The following CDH12 variants were observed in gnomAD, a reference collection of about 807,000 sequenced individuals.
The protein encoded by CDH12 is cadherin 12.
A neutral mutation model predicts 74.1 loss-of-function variants in CDH12; 41 were observed. The ratio of observed to expected loss-of-function variants is 0.55; its 90% CI spans 0.43 to 0.72. The LOEUF (loss-of-function observed/expected upper bound fraction) is 0.72, where lower values mean the gene tolerates loss of function less well. CDH12 is among the 30% of genes least tolerant of loss of function. The pLI is 0.00. For synonymous variants in CDH12, 399 were observed against 355.0 expected (o/e 1.12, Z -1.39); for missense variants, 945 against 977.2 (o/e 0.97, Z 0.44).
At chr5:22,081,092 T>C (rs1742695135) in intron 4 of CDH12, among the ~76,000 whole-genome samples, 1 of 152,188 alleles carries the variant, frequency 6.6e-6, no homozygotes, top group Non-Finnish European at 1.5e-5. Context: ...TTCCAATTTT[T>C]TAATGTGCTT....
At chr5:22,114,220 G>T (rs1450828133) in intron 4 of CDH12, among the ~76,000 whole-genome samples, 1 of 152,158 alleles carries the variant, frequency 6.6e-6, no homozygotes, top group African/African-American at 2.4e-5. Flanking sequence ...TGTTTCAAAT[G>T]CTCTAGAATA....
At chr5:22,278,957 C>T (rs1382654333) in intron 3 of CDH12, among the ~76,000 whole-genome samples, 1 of 152,062 alleles carries the variant, frequency 6.6e-6, no homozygotes, top group Non-Finnish European at 1.5e-5. Context: ...GTAAAAGTTA[C>T]AGAGAAATAT....
intron 9 of CDH12, 83 bp from the exon 10 acceptor site, chr5:21,802,503 G>T: frequency 2.6e-6 from 3 of 1,175,098 alleles, no homozygotes; most frequent in South Asian, 2.8e-5. Context: ...AGAGCAATTT[G>T]CAAGTTATTA....
At chr5:21,863,743 C>T (rs1751176477) in intron 6 of CDH12, among the ~76,000 whole-genome samples, 1 of 152,114 alleles carries the variant, frequency 6.6e-6, no homozygotes, top group Non-Finnish European at 1.5e-5. Flanking sequence ...AGCAGCATTA[C>T]TTTAAGAAAA....
intron 3 of CDH12, among the ~76,000 whole-genome samples, chr5:22,401,325 G>C (rs963004149): frequency 2.0e-5 from 3 of 152,030 alleles, no homozygotes; most frequent in Non-Finnish European, 2.9e-5. Context: ...AAAATTTACT[G>C]TACCTACTTT....
intron 1 of CDH12, among the ~76,000 whole-genome samples, chr5:22,737,821 A>T (rs1379305472): frequency 1.3e-5 from 2 of 152,116 alleles, no homozygotes; most frequent in African/African-American, 4.8e-5. Context: ...ATAGTGCAGA[A>T]TACATGGATT....
intron 6 of CDH12, among the ~76,000 whole-genome samples, chr5:21,867,582 T>G (rs1751397308): frequency 6.6e-6 from 1 of 152,176 alleles, no homozygotes; most frequent in African/African-American, 2.4e-5. Context: ...CTGCTGGATT[T>G]TGAACTTGCT....
chr5:22,643,731 A>ATTTTTTT (rs1304148808), intron 1 of CDH12, among the ~76,000 whole-genome samples: 2 of 69,302 alleles, frequency 2.9e-5, no homozygotes, highest in African/African-American at 5.3e-5. Context: ...ATTTTAAGGT[A>ATTTTTTT]TCTTTTTTTT....
At chr5:22,545,047 T>G (rs565562580) in intron 1 of CDH12, among the ~76,000 whole-genome samples, 45 of 152,292 alleles carry the variant, frequency 3.0e-4, no homozygotes, top group African/African-American at 1.1e-3. Flanking sequence ...GCCACTCATC[T>G]GTCTGTGTAA....
intron 2 of CDH12, among the ~76,000 whole-genome samples, chr5:22,410,140 G>A (rs1743115647): frequency 6.6e-6 from 1 of 152,012 alleles, no homozygotes; most frequent in African/African-American, 2.4e-5. Context: ...GAAAGCCACA[G>A]AAGCAAAAGT....
intron 1 of CDH12, among the ~76,000 whole-genome samples, chr5:22,742,436 C>G (rs1466098428): frequency 6.6e-6 from 1 of 151,978 alleles, no homozygotes; most frequent in Non-Finnish European, 1.5e-5. Context: ...AAAAAGAAAG[C>G]TGGTGAAGAA....
At chr5:22,612,248 C>T (rs1737442188) in intron 1 of CDH12, among the ~76,000 whole-genome samples, 1 of 152,098 alleles carries the variant, frequency 6.6e-6, no homozygotes, top group Non-Finnish European at 1.5e-5. Context: ...AAAAATAATG[C>T]TCATCATTTA....
rs192825330 is a variant in CDH12, at chr5:22,554,298, A to C, written c.-522-48934T>G. ...AATACCAAGAGTGAACCCTAATGGG[A>C]AACTATCAATTGGCTGATAATGATG... is the stretch of plus-strand genomic sequence containing the variant. On this transcript the variant is annotated intron_variant, in intron 1 of 14. Transcript: ENST00000382254. Among the ~76,000 whole-genome samples the C allele has an allele frequency of 9.9e-3, 1,500 of 152,240 alleles. 7 individuals are homozygous for C. Among genetic ancestry groups the C allele is most frequent in the Non-Finnish European group, 0.014 (926 of 68,010 alleles).
chr5:22,104,101 T>C (rs1010709505), intron 4 of CDH12, among the ~76,000 whole-genome samples: 1 of 152,210 alleles, frequency 6.6e-6, no homozygotes, highest in Non-Finnish European at 1.5e-5. Context: ...ACAAAACCTA[T>C]AGCTTTATAG....
intron 2 of CDH12, among the ~76,000 whole-genome samples, chr5:22,451,553 A>G (rs1362332938): frequency 6.6e-6 from 1 of 151,930 alleles, no homozygotes; most frequent in Non-Finnish European, 1.5e-5. Flanking sequence ...TAGGTATAGA[A>G]GGAATGTACC....
At chr5:22,817,922 T>A (rs2126466322) in intron 1 of CDH12, among the ~76,000 whole-genome samples, 1 of 152,296 alleles carries the variant, frequency 6.6e-6, no homozygotes, top group Non-Finnish European at 1.5e-5. Flanking sequence ...ATGCCGTTAG[T>A]TATATTCCAA....
rs573154442 is a variant in CDH12, at chr5:21,859,615, G to C, written c.527-4825C>G. 7.2e-5 allele frequency among the ~76,000 whole-genome samples: 11 copies of C among 152,064 alleles called. No individual in the cohort carries two copies. In the East Asian group the frequency reaches 7.8e-4, roughly 11 times the overall value. ...CTAGTGATCCACTAGCAAACTTCTT[G>C]CTTCCTGTTTCTGCGACATTACATT... On this transcript the variant is annotated intron_variant, in intron 6 of 14. Coordinates refer to ENST00000382254, the MANE Select transcript of CDH12 (RefSeq NM_004061.5).
In CDH12 at chr5:21,975,404, G is replaced by C. The variant is rs764066993; in HGVS notation, c.232-19C>G. 2.6e-6 allele frequency: 4 copies of C among 1,544,420 alleles called. No homozygotes were observed. The highest frequency in any genetic ancestry group is 3.9e-5 in the Admixed American group (2 of 50,894). On this transcript the variant is annotated intron_variant, in intron 5 of 14. Coordinates refer to ENST00000382254, the MANE Select transcript of CDH12 (RefSeq NM_004061.5). ...AATGGAGCTTTAGGGAAGAGAAGGA[G>C]AGAGAGAGGAAGAGAAAGAGAAGGA...
intron 2 of CDH12, among the ~76,000 whole-genome samples, chr5:22,411,380 C>T (rs1743162965): frequency 6.6e-6 from 1 of 151,818 alleles, no homozygotes; most frequent in African/African-American, 2.4e-5. Context: ...AAGTCATTTA[C>T]TTAAATAGTA....
Sources: allele counts gnomAD v4.1 joint callset (sites outside exome capture counted in the v4.1 genomes callset), GRCh38; gene constraint gnomAD v4.1.1; transcripts MANE v1.5; gene names NCBI Gene and HGNC (gene_info 2026-07-23, HGNC 2026-07-21).